RABGAP1L: variants seen among roughly 807,000 people sequenced by gnomAD.
RABGAP1L encodes the protein RAB GTPase activating protein 1 like.
Under a neutral mutation model 137.7 loss-of-function variants are expected in RABGAP1L, and 63 were observed. The ratio of observed to expected loss-of-function variants is 0.46; its 90% CI spans 0.37 to 0.56. The LOEUF (loss-of-function observed/expected upper bound fraction) is 0.56, where lower values mean the gene tolerates loss of function less well. Ranked by LOEUF, RABGAP1L falls within the 20% of genes least tolerant of loss-of-function variation. The pLI is 0.00. For missense variants in RABGAP1L, 1,095 were observed against 1,244.0 expected (o/e 0.88, Z 1.80); for synonymous variants, 431 against 433.7 (o/e 0.99, Z 0.08).
At chr1:174,454,000 C>T (rs964471224) in intron 13 of RABGAP1L, among the ~76,000 whole-genome samples, 2 of 152,098 alleles carry the variant, frequency 1.3e-5, no homozygotes, top group African/African-American at 2.4e-5. Context: ...CGCGGTGGCT[C>T]ACACCCGTAA....
At chr1:174,824,160 C>T (rs56790431) in intron 19 of RABGAP1L, among the ~76,000 whole-genome samples, 2,634 of 152,092 alleles carry the variant, frequency 0.017, 82 homozygotes, top group African/African-American at 0.06. Flanking sequence ...TGTGGTGACA[C>T]GTGCCTGTAA....
chr1:174,877,384 G>T, intron 19 of RABGAP1L: 2 of 1,439,298 alleles, frequency 1.4e-6, no homozygotes, highest in East Asian at 2.9e-5. Flanking sequence ...CCACCCCCTC[G>T]AACTCAGGTG....
chr1:174,245,604 T>C (rs1482814263), intron 5 of RABGAP1L: 1 of 152,020 alleles, frequency 6.6e-6, no homozygotes, highest in Admixed American at 6.6e-5. Context: ...GTGCCTTTCA[T>C]AGAATGATTT....
chr1:174,948,058 C>T (rs1362457153), intron 19 of RABGAP1L, among the ~76,000 whole-genome samples: 3 of 151,818 alleles, frequency 2.0e-5, no homozygotes, highest in African/African-American at 7.3e-5. Flanking sequence ...ATGTTTAGTT[C>T]AGTGGTTTTC....
intron 1 of RABGAP1L, among the ~76,000 whole-genome samples, chr1:174,181,205 T>C (rs1306500575): frequency 6.6e-6 from 1 of 152,176 alleles, no homozygotes; most frequent in East Asian, 1.9e-4. Flanking sequence ...GAGGTCTTGC[T>C]GTATTGTCCA....
At chr1:174,623,344 A>G (rs1672685061) in intron 13 of RABGAP1L, among the ~76,000 whole-genome samples, 1 of 152,176 alleles carries the variant, frequency 6.6e-6, no homozygotes, top group South Asian at 2.1e-4. Context: ...AACACAATCC[A>G]CACTGCCCTC....
chr1:174,722,461 T>G (rs1490227111), intron 17 of RABGAP1L, among the ~76,000 whole-genome samples: 1 of 152,104 alleles, frequency 6.6e-6, no homozygotes, highest in Non-Finnish European at 1.5e-5. Context: ...GCTTCTTTTT[T>G]TTTTTGAGAC....
At chr1:174,380,809 G>A (rs1686067247) in intron 12 of RABGAP1L, among the ~76,000 whole-genome samples, 1 of 112,684 alleles carries the variant, frequency 8.9e-6, no homozygotes, top group African/African-American at 3.5e-5. Context: ...TCTGATTTTA[G>A]TTATTTCTTG....
At chr1:174,622,397 A>G (rs1353087450) in intron 13 of RABGAP1L, among the ~76,000 whole-genome samples, 4 of 152,234 alleles carry the variant, frequency 2.6e-5, no homozygotes, top group Non-Finnish European at 4.4e-5. Context: ...GTAAAGACAC[A>G]TGCACACGTA....
At chr1:174,571,393 T>C (rs185711829) in intron 13 of RABGAP1L, among the ~76,000 whole-genome samples, 49 of 152,206 alleles carry the variant, frequency 3.2e-4, no homozygotes, top group African/African-American at 1.1e-3. Context: ...AATAATTTAA[T>C]TGTACACTTT....
At chr1:174,817,739 C>T (rs754092826) in intron 19 of RABGAP1L, among the ~76,000 whole-genome samples, 5 of 152,102 alleles carry the variant, frequency 3.3e-5, no homozygotes, top group Non-Finnish European at 5.9e-5. Flanking sequence ...GGTTAAGATT[C>T]GGTATTGGTG....
rs138324215 is a variant in RABGAP1L at position 174,785,506 on chromosome 1, G to C, written c.2212-26326G>C. On this transcript the variant is annotated intron_variant, in intron 18 of 25. Coordinates refer to ENST00000681986, the MANE Select transcript of RABGAP1L (RefSeq NM_001366446.1). ...GGCTTGGTATATTATGCTATGGTTA[G>C]GCAATTTTAGAGTAAAGAGAAGAAA... Among the ~76,000 whole-genome samples, 29 of 152,336 alleles carry C rather than the reference G, an allele frequency of 1.9e-4. No homozygotes were observed. The East Asian group carries it at 5.0e-3, about 26-fold the overall frequency.
chr1:174,729,548 G>A (rs1277036683), intron 17 of RABGAP1L, among the ~76,000 whole-genome samples: 3 of 152,166 alleles, frequency 2.0e-5, no homozygotes, highest in Non-Finnish European at 1.5e-5. Flanking sequence ...CAGAATGGGA[G>A]ATGATATTTG....
At chr1:174,877,470 T>C in intron 19 of RABGAP1L, 1 of 1,613,908 alleles carries the variant, frequency 6.2e-7, no homozygotes, top group Non-Finnish European at 8.5e-7. Context: ...CAGCAGCTGC[T>C]GCTGTGGAAA....
At chr1:174,941,068 G>A (rs866188013) in intron 19 of RABGAP1L, among the ~76,000 whole-genome samples, 2 of 123,738 alleles carry the variant, frequency 1.6e-5, no homozygotes, top group South Asian at 2.2e-4. Flanking sequence ...CCCACATTTT[G>A]TAGCTCCATG....
At chr1:174,683,920 A>G (rs527269796) in intron 15 of RABGAP1L, among the ~76,000 whole-genome samples, 86 of 152,344 alleles carry the variant, frequency 5.6e-4, no homozygotes, top group Non-Finnish European at 9.1e-4. Flanking sequence ...ATACTGTGAC[A>G]AGGAAGTCCT....
intron 13 of RABGAP1L, among the ~76,000 whole-genome samples, chr1:174,632,247 T>A (rs1673461803): frequency 6.9e-6 from 1 of 144,916 alleles, no homozygotes; most frequent in Non-Finnish European, 1.5e-5. Context: ...CTTGTAGGGT[T>A]TCTGCCGAGA....
chr1:174,755,700 A>G (rs1409335265), intron 18 of RABGAP1L, among the ~76,000 whole-genome samples: 2 of 152,196 alleles, frequency 1.3e-5, no homozygotes, highest in Admixed American at 6.5e-5. Context: ...ACCTATACAC[A>G]TATGTATATA....
intron 13 of RABGAP1L, among the ~76,000 whole-genome samples, chr1:174,612,275 A>G (rs140699389): frequency 0.37 from 55,915 of 152,092 alleles, 13,559 homozygotes; most frequent in African/African-American, 0.69. Context: ...AGCATTGTTG[A>G]ATTTTGTCAA....
Sources: allele counts gnomAD v4.1 joint callset (sites outside exome capture counted in the v4.1 genomes callset), GRCh38; gene constraint gnomAD v4.1.1; transcripts MANE v1.5; gene names NCBI Gene and HGNC (gene_info 2026-07-23, HGNC 2026-07-21).